The following AKAP9 variants were observed in gnomAD, a reference collection of about 807,000 sequenced individuals.
AKAP9 encodes the protein A-kinase anchor protein 9.
Under a neutral mutation model 488.5 loss-of-function variants are expected in AKAP9, and 311 were observed. That is an observed-to-expected ratio of 0.64 (90% CI 0.58 to 0.70). The LOEUF is 0.70. Among genes scored for constraint, AKAP9 ranks in the 30% least tolerant of loss-of-function variants. The pLI, the probability that AKAP9 is intolerant of heterozygous loss-of-function variation, is 0.00. For missense variants in AKAP9, 4,215 were observed against 4,374.5 expected (o/e 0.96, Z 1.03); for synonymous variants, 1,462 against 1,483.5 (o/e 0.99, Z 0.33).
At chr7:92,058,564 T>G in intron 22 of AKAP9, 1 of 240,760 alleles carries the variant, frequency 4.2e-6, no homozygotes, top group Non-Finnish European at 8.4e-6. Context: ...TTGGTCTGAG[T>G]TCCAACTTGG....
In AKAP9 at chr7:91,950,953, AT is replaced by A. The variant is rs556066309; in HGVS notation, c.48+9810del. ...TTTATATTTGCCAAAATAATATTTA[AT>A]TTTAATTTGTATAAATTCATTTCAC... On this transcript the variant is annotated intron_variant, in intron 1 of 49. Coordinates refer to ENST00000356239, the MANE Select transcript of AKAP9 (RefSeq NM_005751.5). 7.2e-5 allele frequency among the ~76,000 whole-genome samples: 11 copies of A among 152,274 alleles called. No homozygotes were observed. In the East Asian group the frequency reaches 2.1e-3, roughly 29 times the overall value.
chr7:92,103,011 G>GGTAT (rs560808561), intron 46 of AKAP9, among the ~76,000 whole-genome samples, 185 bp downstream of exon 46: 13 of 152,028 alleles, frequency 8.6e-5, no homozygotes, highest in Non-Finnish European at 1.3e-4. Flanking sequence ...ATACTGGCAG[G>GGTAT]GTATGTGTAA....
chr7:91,956,564 A>ACTAT (rs1357374405), intron 1 of AKAP9, among the ~76,000 whole-genome samples: 8 of 152,126 alleles, frequency 5.3e-5, no homozygotes, highest in African/African-American at 1.9e-4. Context: ...TTTCTATTAG[A>ACTAT]CTGATAGAGT....
At chr7:92,018,441 C>CACAG (rs1554413469) in intron 12 of AKAP9, among the ~76,000 whole-genome samples, 46 of 60,512 alleles carry the variant, frequency 7.6e-4, no homozygotes, top group South Asian at 1.0e-3. Flanking sequence ...CACACACACA[C>CACAG]AGAGAAATAT....
At position 91,964,770 on chromosome 7, in the gene AKAP9, TCTAA is replaced by T. The variant is rs1368251063; in HGVS notation, c.49-8936_49-8933del. The stretch of plus-strand genomic sequence containing the variant: ...ATTTCTCTCATACCCTTCAACAAAA[TCTAA>T]CTAAAATTTTAATAATTTTTTCATT... On this transcript the variant is annotated intron_variant, in intron 1 of 49. Coordinates refer to ENST00000356239, the MANE Select transcript of AKAP9 (RefSeq NM_005751.5). Among the ~76,000 whole-genome samples the T allele has an allele frequency of 4.6e-5, 7 of 152,132 alleles. No homozygotes were observed. The East Asian group carries it at 1.3e-3, about 29-fold the overall frequency.
intron 38 of AKAP9, 25 bp downstream of exon 38, chr7:92,089,554 G>T: frequency 6.2e-7 from 1 of 1,609,100 alleles, no homozygotes; most frequent in Non-Finnish European, 8.5e-7. Flanking sequence ...AAGCTCATAT[G>T]GTTACACAAA....
chr7:92,019,867 A>G (rs1239248312), intron 12 of AKAP9, among the ~76,000 whole-genome samples: 2 of 151,930 alleles, frequency 1.3e-5, no homozygotes, highest in African/African-American at 4.8e-5. Flanking sequence ...CAAAAAAATT[A>G]GCTGGGTGTG....
intron 3 of AKAP9, among the ~76,000 whole-genome samples, chr7:91,985,202 G>A (rs564533348): frequency 4.6e-4 from 70 of 152,276 alleles, no homozygotes; most frequent in African/African-American, 1.6e-3. Context: ...AGTTTTCAAA[G>A]GGAATGCTTC....
intron 43 of AKAP9, 97 bp downstream of exon 43, chr7:92,098,311 A>C (rs537558299): frequency 4.2e-5 from 29 of 686,170 alleles, no homozygotes; most frequent in African/African-American, 4.2e-4. Flanking sequence ...TATACTCTTT[A>C]TAGAGTTTTA....
At chr7:92,082,872 C>A (rs1813828300) in intron 32 of AKAP9, among the ~76,000 whole-genome samples, 1 of 152,086 alleles carries the variant, frequency 6.6e-6, no homozygotes, top group South Asian at 2.1e-4. Flanking sequence ...TAGGAGGATA[C>A]TTTTTATTTC....
At position 92,052,922 on chromosome 7, in the gene AKAP9, A is replaced by G. The variant is rs141094356; in HGVS notation, c.5565A>G (p.Glu1855=). The part of the protein sequence containing the change: ...NISSRLQAAV[E]KLLEAISETS... ...GCTCTCGACTACAAGCAGCAGTTGA[A>G]AAACTCCTAGAAGCCATAAGTGAAA... Residue 1855 remains glutamate, a synonymous_variant, in exon 22 of 50, where the codon GAA becomes GAG. Transcript: ENST00000356239. The G allele has an allele frequency of 5.8e-5, 93 of 1,613,704 alleles. No homozygotes were observed. Among genetic ancestry groups the G allele is most frequent in the Non-Finnish European group, 7.8e-5 (92 of 1,179,830 alleles).
intron 22 of AKAP9, among the ~76,000 whole-genome samples, chr7:92,055,196 A>G (rs765939196): frequency 5.9e-5 from 9 of 152,144 alleles, no homozygotes; most frequent in Non-Finnish European, 1.2e-4. Flanking sequence ...TTTAAGAATT[A>G]CAGCATCAAA....
intron 8 of AKAP9, among the ~76,000 whole-genome samples, chr7:92,006,185 C>T (rs1799840830): frequency 6.6e-6 from 1 of 151,794 alleles, no homozygotes; most frequent in African/African-American, 2.4e-5. Context: ...CAGGCTCTCA[C>T]TGCCGTCCAG....
At chr7:92,105,873 C>A in intron 47 of AKAP9, 110 bp downstream of exon 47, 1 of 972,472 alleles carries the variant, frequency 1.0e-6, no homozygotes. Flanking sequence ...AACCAGGCCG[C>A]ACAGCAGCAG....
At chr7:92,066,695 G>T in intron 26 of AKAP9, 149 bp downstream of exon 26, 1 of 993,252 alleles carries the variant, frequency 1.0e-6, no homozygotes, top group South Asian at 1.5e-5. Context: ...AGCATGAGAA[G>T]GTAATTAACC....
At chr7:91,953,136 G>GA (rs1792474044) in intron 1 of AKAP9, among the ~76,000 whole-genome samples, 2 of 152,230 alleles carry the variant, frequency 1.3e-5, no homozygotes, top group South Asian at 4.1e-4. Context: ...GGCAGGAACA[G>GA]AGGGGATACA....
At chr7:92,018,075 A>C (rs1801768333) in intron 12 of AKAP9, among the ~76,000 whole-genome samples, 1 of 152,256 alleles carries the variant, frequency 6.6e-6, no homozygotes, top group South Asian at 2.1e-4. Context: ...GAAGAAGGCC[A>C]AGTGAAACCT....
At chr7:92,085,274 T>G (rs188510915) in intron 35 of AKAP9, among the ~76,000 whole-genome samples, 22 of 152,296 alleles carry the variant, frequency 1.4e-4, no homozygotes, top group African/African-American at 5.3e-4. Context: ...GAAGAGTACA[T>G]TAGCCAAACA....
chr7:91,965,924 GGTT>G (rs1794388925), intron 1 of AKAP9, among the ~76,000 whole-genome samples: 1 of 152,038 alleles, frequency 6.6e-6, no homozygotes. Context: ...TGTATATTCT[GGTT>G]GTTGTTAACT....
Sources: gnomAD v4.1 joint callset for allele counts (sites outside exome capture counted in the v4.1 genomes callset) on GRCh38, gnomAD v4.1.1 for gene constraint, MANE v1.5 for transcripts, NCBI Gene and HGNC (gene_info 2026-07-23, HGNC 2026-07-21) for gene names.